Variants in GRIK2 observed in about 807,000 individuals in gnomAD.
GRIK2 encodes the protein glutamate ionotropic receptor kainate type subunit 2.
GRIK2 carries 32 observed loss-of-function variants against 100.3 expected under a neutral mutation model. The observed-to-expected ratio is 0.32, with a 90% CI of 0.24 to 0.43. The LOEUF (loss-of-function observed/expected upper bound fraction) is 0.43, where lower values mean the gene tolerates loss of function less well. Ranked by LOEUF, GRIK2 falls within the 20% of genes least tolerant of loss-of-function variation. The pLI, the probability that GRIK2 is intolerant of heterozygous loss-of-function variation, is 1.00. For missense variants in GRIK2, 843 were observed against 1,114.9 expected (o/e 0.76, Z 3.47); for synonymous variants, 417 against 389.4 (o/e 1.07, Z -0.83).
At chr6:101,688,198 A>C in intron 7 of GRIK2, among the ~76,000 whole-genome samples, 1 of 150,744 alleles carries the variant, frequency 6.6e-6, no homozygotes, top group South Asian at 2.1e-4. Flanking sequence ...TTTATTTTCA[A>C]TAGCACTATT....
At chr6:101,425,341 G>A (rs1268156241) in intron 2 of GRIK2, among the ~76,000 whole-genome samples, 1 of 152,090 alleles carries the variant, frequency 6.6e-6, no homozygotes, top group East Asian at 1.9e-4. Flanking sequence ...AGAACAATTA[G>A]TCATACTACT....
intron 14 of GRIK2, among the ~76,000 whole-genome samples, chr6:101,978,956 A>G (rs1793559909): frequency 6.6e-6 from 1 of 151,962 alleles, no homozygotes; most frequent in African/African-American, 2.4e-5. Flanking sequence ...CTATCTCCAT[A>G]TGTTATCCTA....
intron 11 of GRIK2, among the ~76,000 whole-genome samples, chr6:101,885,201 A>T (rs527484740): frequency 3.3e-5 from 5 of 152,278 alleles, no homozygotes; most frequent in Admixed American, 6.5e-5. Flanking sequence ...GTTAAATTAC[A>T]TGATTCTGTT....
rs1044187947 is a variant in GRIK2, at chr6:101,986,276, A to C, written c.2086-49065A>C. 1.3e-4 allele frequency among the ~76,000 whole-genome samples: 19 copies of C among 151,930 alleles called. 1 individual carries two copies. Among genetic ancestry groups the C allele is most frequent in the Non-Finnish European group, 5.9e-5 (4 of 67,904 alleles). ...ACAAAGGAATATAGAATTTAGAATT[A>C]TGAATAATGGAGATTTATTCTTAAA... On this transcript the variant is annotated intron_variant, in intron 14 of 16. Coordinates refer to ENST00000369134, the MANE Select transcript of GRIK2 (RefSeq NM_021956.5).
intron 2 of GRIK2, among the ~76,000 whole-genome samples, chr6:101,541,351 A>T (rs1775974531): frequency 0.056 from 1 of 18 alleles, no homozygotes; most frequent in Non-Finnish European, 0.1. Context: ...ACCGGGTAAC[A>T]GATGTTACAC....
intron 7 of GRIK2, among the ~76,000 whole-genome samples, chr6:101,769,805 C>T (rs1358412225): frequency 5.9e-5 from 9 of 152,044 alleles, no homozygotes; most frequent in Admixed American, 5.9e-4. Context: ...TCAAAGTAAA[C>T]TATGCACATA....
chr6:101,729,641 AT>A (rs1775118861), intron 7 of GRIK2, among the ~76,000 whole-genome samples: 2 of 151,862 alleles, frequency 1.3e-5, no homozygotes, highest in African/African-American at 4.8e-5. Flanking sequence ...GAAGCGTCAT[AT>A]CCTGAACGCT....
At chr6:101,909,398 A>ATTTTTTTTTT in intron 12 of GRIK2, among the ~76,000 whole-genome samples, 1 of 13,604 alleles carries the variant, frequency 7.4e-5, no homozygotes, top group African/African-American at 2.9e-4. Context: ...TTTTTTTTTA[A>ATTTTTTTTTT]AGATCATTTG....
chr6:102,000,577 T>TAGG (rs1469856449), intron 14 of GRIK2, among the ~76,000 whole-genome samples: 1 of 152,130 alleles, frequency 6.6e-6, no homozygotes. Context: ...CAGGATTACT[T>TAGG]AGGTTATCCA....
intron 9 of GRIK2, among the ~76,000 whole-genome samples, chr6:101,811,653 A>G (rs1341444515): frequency 6.6e-6 from 1 of 151,986 alleles, no homozygotes; most frequent in East Asian, 1.9e-4. Context: ...GAAAATAAGA[A>G]ATGTGTGACA....
In GRIK2 at chr6:101,488,860, A is replaced by G. The variant is rs948355297; in HGVS notation, c.115+89468A>G. On this transcript the variant is annotated intron_variant, in intron 2 of 16. Transcript: ENST00000369134. ...AAAGACCACAGGGGATGAATGTACA[A>G]AAAACATGTAAATAAAACTATTGGA... Among the ~76,000 whole-genome samples the G allele has an allele frequency of 4.1e-5, 6 of 146,358 alleles. 1 individual carries two copies. Among genetic ancestry groups the G allele is most frequent in the Admixed American group, 2.0e-4 (3 of 14,702 alleles).
rs555316926 is a variant in GRIK2, at chr6:101,568,069, A to G, written c.116-53880A>G. Among the ~76,000 whole-genome samples the G allele has an allele frequency of 3.9e-5, 6 of 152,142 alleles. No homozygotes were observed. In the East Asian group the frequency reaches 9.6e-4, roughly 24 times the overall value. On this transcript the variant is annotated intron_variant, in intron 2 of 16. Transcript: ENST00000369134. Reference sequence around the variant, plus strand: ...TAATCTTGGGAGAATTGTATAGAATATATGTTGTTTATCTTAGTAAATGAA... The same window carrying G: ...TAATCTTGGGAGAATTGTATAGAATGTATGTTGTTTATCTTAGTAAATGAA...
At chr6:101,519,448 C>A (rs1264010737) in intron 2 of GRIK2, among the ~76,000 whole-genome samples, 1 of 151,376 alleles carries the variant, frequency 6.6e-6, no homozygotes, top group African/African-American at 2.4e-5. Flanking sequence ...TACTATTTTT[C>A]TTTTTTATTG....
chr6:101,440,002 A>G (rs532197150), intron 2 of GRIK2, among the ~76,000 whole-genome samples: 198 of 152,292 alleles, frequency 1.3e-3, no homozygotes, highest in Non-Finnish European at 2.4e-3. Context: ...TCTCATTGGA[A>G]GATGACCACT....
intron 2 of GRIK2, among the ~76,000 whole-genome samples, chr6:101,449,210 A>G (rs1263954674): frequency 3.3e-5 from 5 of 151,768 alleles, no homozygotes; most frequent in Non-Finnish European, 5.9e-5. Flanking sequence ...GTCAATAACA[A>G]AAGTAAAATA....
At chr6:102,060,806 A>C (rs1393896792) in intron 16 of GRIK2, among the ~76,000 whole-genome samples, 1 of 150,726 alleles carries the variant, frequency 6.6e-6, no homozygotes, top group African/African-American at 2.4e-5. Context: ...TATAGCTGTA[A>C]AGCATAATTA....
chr6:102,001,691 C>A (rs1304153891), intron 14 of GRIK2, among the ~76,000 whole-genome samples: 2 of 152,014 alleles, frequency 1.3e-5, no homozygotes, highest in African/African-American at 4.8e-5. Context: ...CTTTTCTTAT[C>A]TTTTCCAGTC....
chr6:101,416,421 C>T (rs1776143218), intron 2 of GRIK2, among the ~76,000 whole-genome samples: 1 of 152,096 alleles, frequency 6.6e-6, no homozygotes, highest in Admixed American at 6.5e-5. Flanking sequence ...GAGGCTGGGG[C>T]AGGGGAGGAG....
At chr6:101,703,489 A>T (rs1562321904) in intron 7 of GRIK2, among the ~76,000 whole-genome samples, 1 of 151,806 alleles carries the variant, frequency 6.6e-6, no homozygotes, top group Non-Finnish European at 1.5e-5. Context: ...ATTGTTAGCG[A>T]CCTCAATACT....
Sources: gnomAD v4.1 joint callset for allele counts (sites outside exome capture counted in the v4.1 genomes callset) on GRCh38, gnomAD v4.1.1 for gene constraint, MANE v1.5 for transcripts, NCBI Gene and HGNC (gene_info 2026-07-23, HGNC 2026-07-21) for gene names.